TMEM114: variants seen among roughly 807,000 people sequenced by gnomAD.
TMEM114 encodes the protein transmembrane protein 114, also known as claudin-26.
Under a neutral mutation model 6.2 loss-of-function variants are expected in TMEM114, and 6 were observed. The observed-to-expected ratio is 0.97, with a 90% CI of 0.53 to 1.91. The LOEUF (loss-of-function observed/expected upper bound fraction) is 1.91. Among genes scored for constraint, TMEM114 ranks in the 40% most tolerant of loss-of-function variants. The pLI is 0.01. For missense variants in TMEM114, 218 were observed against 158.3 expected (o/e 1.38, Z -2.02); for synonymous variants, 104 against 73.0 (o/e 1.42, Z -2.16).
chr16:8,535,296 T>G (rs937972881), downstream of TMEM114, among the ~76,000 whole-genome samples: 8 of 152,204 alleles, frequency 5.3e-5, no homozygotes, highest in African/African-American at 1.9e-4. Flanking sequence ...AGCAAGGACT[T>G]TTTTATTATT....
At chr16:8,549,002 G>A (rs928944572) in intron 2 of TMEM114, among the ~76,000 whole-genome samples, 1 of 151,600 alleles carries the variant, frequency 6.6e-6, no homozygotes, top group Non-Finnish European at 1.5e-5. Context: ...CTAACACAGT[G>A]AAACTCCAGC....
In TMEM114 at chr16:8,578,671, G is replaced by A. The variant is rs568763873; in HGVS notation, c.302-6447C>T. Among the ~76,000 whole-genome samples, 10 of 152,194 alleles carry A rather than the reference G, an allele frequency of 6.6e-5. No homozygotes were observed. In the East Asian group the frequency reaches 1.5e-3, roughly 23 times the overall value. ...TAGATGATACCTGTGGTTATTACAC[G>A]GAATTACTAGTAATATTAAAATGTT... On this transcript the variant is annotated intron_variant, in intron 2 of 3. Coordinates refer to ENST00000620492, the MANE Select transcript of TMEM114 (RefSeq NM_001146336.2).
the TMEM114 span, among the ~76,000 whole-genome samples, chr16:8,530,594 G>C: frequency 6.6e-6 from 1 of 151,916 alleles, no homozygotes; most frequent in East Asian, 1.9e-4. Context: ...AAGAAAGCAG[G>C]AAGGAAGGAA....
chr16:8,542,197 T>C (rs1414949699), intron 2 of TMEM114, among the ~76,000 whole-genome samples: 2 of 152,006 alleles, frequency 1.3e-5, no homozygotes, highest in Non-Finnish European at 2.9e-5. Context: ...CTCTACTTCC[T>C]CTGCCAAGAT....
chr16:8,563,185 A>G (rs62646463), intron 2 of TMEM114, among the ~76,000 whole-genome samples: 16 of 148,366 alleles, frequency 1.1e-4, no homozygotes, highest in South Asian at 2.1e-4. Flanking sequence ...GAGTGAGTGA[A>G]TGAGTGAATG....
At chr16:8,558,860 C>A (rs925398448) in intron 2 of TMEM114, among the ~76,000 whole-genome samples, 2 of 151,338 alleles carry the variant, frequency 1.3e-5, no homozygotes, top group African/African-American at 4.9e-5. Context: ...CCTGCCTCAG[C>A]CTCCCGAGTA....
At chr16:8,550,080 G>A (rs1900793761) in intron 2 of TMEM114, among the ~76,000 whole-genome samples, 1 of 152,202 alleles carries the variant, frequency 6.6e-6, no homozygotes, top group African/African-American at 2.4e-5. Flanking sequence ...ATGTTCCAGG[G>A]CAGGAAGCAT....
chr16:8,570,137 C>G (rs1303729200), intron 3 of TMEM114, 132 bp from the exon 4 acceptor site: 3 of 1,250,930 alleles, frequency 2.4e-6, no homozygotes, highest in East Asian at 2.6e-5. Flanking sequence ...GGGACCTTTG[C>G]GCGTGCTAGT....
chr16:8,588,547 C>T (rs2141704946), intron 2 of TMEM114, among the ~76,000 whole-genome samples: 1 of 152,192 alleles, frequency 6.6e-6, no homozygotes, highest in East Asian at 1.9e-4. Flanking sequence ...TCCACAAATG[C>T]TCATTCATCC....
chr16:8,533,969 C>A (rs1197424592), downstream of TMEM114, among the ~76,000 whole-genome samples: 1 of 152,176 alleles, frequency 6.6e-6, no homozygotes, highest in Non-Finnish European at 1.5e-5. Flanking sequence ...CCACGAAAGG[C>A]AACCCTTCTG....
At chr16:8,559,013 G>A (rs1901110371) in intron 2 of TMEM114, among the ~76,000 whole-genome samples, 1 of 151,070 alleles carries the variant, frequency 6.6e-6, no homozygotes, top group African/African-American at 2.4e-5. Flanking sequence ...AAAGTGCTGG[G>A]ATTAAAGGCG....
intron 2 of TMEM114, among the ~76,000 whole-genome samples, chr16:8,544,189 C>G (rs1310281882): frequency 1.3e-5 from 2 of 152,154 alleles, no homozygotes; most frequent in African/African-American, 2.4e-5. Flanking sequence ...CTGCAAAGAC[C>G]AAGTAAAGCA....
At chr16:8,586,245 C>A (rs1275301451) in intron 2 of TMEM114, among the ~76,000 whole-genome samples, 1 of 152,232 alleles carries the variant, frequency 6.6e-6, no homozygotes, top group African/African-American at 2.4e-5. Context: ...GATGTCAAGT[C>A]ATTCCTTTCT....
intron 2 of TMEM114, among the ~76,000 whole-genome samples, chr16:8,575,302 C>G (rs778967280): frequency 1.3e-5 from 2 of 152,184 alleles, no homozygotes; most frequent in African/African-American, 2.4e-5. Context: ...TTAAGAGTGT[C>G]TGCTGTGAGT....
At chr16:8,573,058 C>A (rs934826218) in intron 2 of TMEM114, among the ~76,000 whole-genome samples, 1 of 152,192 alleles carries the variant, frequency 6.6e-6, no homozygotes, top group African/African-American at 2.4e-5. Context: ...CTCATGCAAG[C>A]TTTCTGGGTT....
intron 2 of TMEM114, among the ~76,000 whole-genome samples, chr16:8,544,343 G>C (rs992790702): frequency 1.3e-5 from 2 of 152,210 alleles, no homozygotes; most frequent in Non-Finnish European, 2.9e-5. Flanking sequence ...CAGGCATCAA[G>C]CTGGGTCCTG....
chr16:8,571,977 G>T, intron 3 of TMEM114, 110 bp downstream of exon 3: 1 of 1,320,650 alleles, frequency 7.6e-7, no homozygotes, highest in South Asian at 1.6e-5. Context: ...AGGGGAAACT[G>T]AACCCCACGA....
intron 2 of TMEM114, among the ~76,000 whole-genome samples, chr16:8,539,697 T>C (rs1344689564): frequency 1.3e-5 from 2 of 152,112 alleles, no homozygotes; most frequent in African/African-American, 4.8e-5. Context: ...AGACAGATGT[T>C]GTTCATATAG....
intron 2 of TMEM114, among the ~76,000 whole-genome samples, chr16:8,556,910 C>T (rs1005372134): frequency 4.6e-5 from 7 of 152,144 alleles, no homozygotes; most frequent in Non-Finnish European, 8.8e-5. Flanking sequence ...TGTGGCCTTC[C>T]GTAATGTGGC....
Sources: gnomAD v4.1 joint callset for allele counts (sites outside exome capture counted in the v4.1 genomes callset) on GRCh38, gnomAD v4.1.1 for gene constraint, MANE v1.5 for transcripts, NCBI Gene and HGNC (gene_info 2026-07-23, HGNC 2026-07-21) for gene names.